The following GFOD1 variants were observed in gnomAD, a reference collection of about 807,000 sequenced individuals.
The protein encoded by GFOD1 is glucose-fructose oxidoreductase domain-containing protein 1.
In GFOD1, 9 loss-of-function variants were observed where a neutral mutation model predicts 25.4. The observed-to-expected ratio is 0.35, with a 90% CI of 0.21 to 0.62. GFOD1 has a LOEUF of 0.62. Ranked by LOEUF, GFOD1 falls within the 20% of genes least tolerant of loss-of-function variation. The pLI is 0.72. For missense variants in GFOD1, 403 were observed against 556.9 expected, an observed-to-expected ratio of 0.72 and a Z score of 2.78; for synonymous variants, 253 against 245.6, an observed-to-expected ratio of 1.03 and a Z score of -0.28.
intron 1 of GFOD1, among the ~76,000 whole-genome samples, chr6:13,374,058 G>T (rs1003310875): frequency 7.2e-5 from 11 of 152,166 alleles, no homozygotes; most frequent in Admixed American, 3.3e-4. Context: ...TGCCAGAGGA[G>T]GCACAATGTA....
chr6:13,404,020 T>C (rs548503370), intron 1 of GFOD1, among the ~76,000 whole-genome samples: 1 of 152,236 alleles, frequency 6.6e-6, no homozygotes, highest in African/African-American at 2.4e-5. Flanking sequence ...GAAATATGAA[T>C]AGCAAAATGT....
intron 1 of GFOD1, among the ~76,000 whole-genome samples, chr6:13,384,152 G>A (rs1432434579): frequency 3.3e-5 from 5 of 152,144 alleles, no homozygotes; most frequent in African/African-American, 7.2e-5. Flanking sequence ...ACTTGAACCC[G>A]GGGATGGAGG....
chr6:13,404,844 A>G (rs1785916464), intron 1 of GFOD1, among the ~76,000 whole-genome samples: 1 of 152,226 alleles, frequency 6.6e-6, no homozygotes, highest in African/African-American at 2.4e-5. Flanking sequence ...TCCAAGAATA[A>G]CATGCTAGAG....
At chr6:13,379,052 C>T (rs1053704647) in intron 1 of GFOD1, among the ~76,000 whole-genome samples, 3 of 152,214 alleles carry the variant, frequency 2.0e-5, no homozygotes, top group African/African-American at 4.8e-5. Flanking sequence ...ACATGATTAA[C>T]GTGCTACTGC....
rs563445140 is a variant in GFOD1, at chr6:13,477,288, A to G, written c.253+9350T>C. ...GATTCGTTTTAAGGAATTGGCTCGC[A>G]CAATTGTGGGGTTGGCAAGTCTAAA... is the stretch of plus-strand genomic sequence containing the variant. On this transcript the variant is annotated intron_variant, in intron 1 of 1. Transcript: ENST00000379287. Among the ~76,000 whole-genome samples, 3 of 150,870 alleles carry G rather than the reference A, an allele frequency of 2.0e-5. No homozygotes were observed. The South Asian group carries it at 6.3e-4, about 32-fold the overall frequency.
At chr6:13,475,329 T>A (rs1758594620) in intron 1 of GFOD1, among the ~76,000 whole-genome samples, 1 of 152,028 alleles carries the variant, frequency 6.6e-6, no homozygotes. Context: ...ATCCCAGCAC[T>A]TTGGGAGGCT....
intron 1 of GFOD1, among the ~76,000 whole-genome samples, chr6:13,457,022 C>A (rs1758201492): frequency 6.6e-6 from 1 of 152,136 alleles, no homozygotes; most frequent in African/African-American, 2.4e-5. Context: ...CTGGGAAAAT[C>A]AAAGATGGGG....
intron 1 of GFOD1, among the ~76,000 whole-genome samples, chr6:13,459,027 T>G (rs561862633): frequency 2.6e-4 from 39 of 152,296 alleles, no homozygotes; most frequent in Non-Finnish European, 4.9e-4. Context: ...AATTGGAAAC[T>G]TAATCCCCAA....
chr6:13,385,867 T>G (rs1304103564), intron 1 of GFOD1, among the ~76,000 whole-genome samples: 1 of 152,176 alleles, frequency 6.6e-6, no homozygotes, highest in Non-Finnish European at 1.5e-5. Flanking sequence ...AGCCAGTGAA[T>G]TATTCCCCTT....
rs70989852 is a variant in GFOD1 at position 13,390,761 on chromosome 6, AAG to A, written c.254-25101_254-25100del. On this transcript the variant is annotated intron_variant, in intron 1 of 1. Coordinates refer to ENST00000379287, the MANE Select transcript of GFOD1 (RefSeq NM_018988.4). ...AAAGAAAGACAGGAAGAGAGAGAGA[AAG>A]AGAGAGAGAGAGAGAGAAAGGAAGG... 7.6e-4 allele frequency among the ~76,000 whole-genome samples: 80 copies of A among 104,774 alleles called. 1 individual carries two copies. The highest frequency in any genetic ancestry group is 2.4e-3 in the South Asian group (8 of 3,402). The allele number at this position is 104,774 out of a possible 152,430, so 68.7% of individuals were successfully genotyped here.
In GFOD1 at chr6:13,358,305, TAA is replaced by T. The variant is rs549916754; in HGVS notation, c.*6436_*6437del. 2.9e-4 allele frequency: 44 copies of T among 151,822 alleles called. No homozygotes were observed. The highest frequency in any genetic ancestry group is 8.2e-4 in the African/African-American group (34 of 41,456). 9.4% of individuals were successfully genotyped at this position (151,822 alleles called of 1,614,324 possible). ...TACATGCCTTGACTTCTTATATATATAAGTTTGGTTTTATACATATACATACA... is the reference window on the plus strand; with the variant it reads ...TACATGCCTTGACTTCTTATATATATGTTTGGTTTTATACATATACATACA... On this transcript the variant is annotated 3_prime_UTR_variant, in exon 2 of 2. Transcript: ENST00000379287.
intron 1 of GFOD1, among the ~76,000 whole-genome samples, chr6:13,476,945 G>A (rs1215255833): frequency 6.6e-6 from 1 of 152,094 alleles, no homozygotes; most frequent in African/African-American, 2.4e-5. Flanking sequence ...TCTCAGTGGT[G>A]AGTGTGACAG....
chr6:13,463,192 C>T (rs756278737), intron 1 of GFOD1, among the ~76,000 whole-genome samples: 2 of 152,206 alleles, frequency 1.3e-5, no homozygotes, highest in African/African-American at 2.4e-5. Context: ...TCCAGACCAC[C>T]GGAATGCAGA....
At chr6:13,454,484 G>A (rs1229066983) in intron 1 of GFOD1, among the ~76,000 whole-genome samples, 3 of 152,064 alleles carry the variant, frequency 2.0e-5, no homozygotes, top group Non-Finnish European at 2.9e-5. Flanking sequence ...ACATTAATGC[G>A]GCTTCCAACT....
intron 1 of GFOD1, among the ~76,000 whole-genome samples, chr6:13,403,408 G>A (rs1785887384): frequency 6.6e-6 from 1 of 152,214 alleles, no homozygotes; most frequent in Non-Finnish European, 1.5e-5. Context: ...TTACAGGCGT[G>A]AGCCACCGTG....
intron 1 of GFOD1, among the ~76,000 whole-genome samples, chr6:13,390,227 A>G (rs1785560024): frequency 6.6e-6 from 1 of 152,202 alleles, no homozygotes; most frequent in African/African-American, 2.4e-5. Context: ...AACTACTTGT[A>G]AACTCTATTA....
intron 1 of GFOD1, among the ~76,000 whole-genome samples, chr6:13,467,767 T>C (rs891456465): frequency 1.3e-5 from 2 of 152,146 alleles, no homozygotes; most frequent in Admixed American, 6.5e-5. Context: ...AGGTTAGAAA[T>C]ACAAATAAAT....
intron 1 of GFOD1, among the ~76,000 whole-genome samples, chr6:13,395,164 A>G (rs1785703117): frequency 6.6e-6 from 1 of 152,212 alleles, no homozygotes; most frequent in Admixed American, 6.5e-5. Flanking sequence ...AGGTGACTAC[A>G]TTGCCAGTTC....
chr6:13,457,868 C>A (rs1247722935), intron 1 of GFOD1, among the ~76,000 whole-genome samples: 2 of 152,172 alleles, frequency 1.3e-5, no homozygotes, highest in Non-Finnish European at 2.9e-5. Context: ...CAGCTGAAAT[C>A]AAGAAGCATT....
Sources: gnomAD v4.1 joint callset for allele counts (sites outside exome capture counted in the v4.1 genomes callset) on GRCh38, gnomAD v4.1.1 for gene constraint, MANE v1.5 for transcripts, NCBI Gene and HGNC (gene_info 2026-07-23, HGNC 2026-07-21) for gene names.